PTPN7: variants seen among roughly 807,000 people sequenced by gnomAD.
The protein encoded by PTPN7 is protein tyrosine phosphatase non-receptor type 7.
A neutral mutation model predicts 50.3 loss-of-function variants in PTPN7; 33 were observed. The observed-to-expected ratio is 0.66, with a 90% CI of 0.50 to 0.88. PTPN7 has a LOEUF of 0.88. Among genes scored for constraint, PTPN7 ranks in the 40% least tolerant of loss-of-function variants. PTPN7 has a pLI of 0.00. For missense variants in PTPN7, 412 were observed against 475.4 expected (o/e 0.87, Z 1.24); for synonymous variants, 185 against 186.6 (o/e 0.99, Z 0.07).
chr1:202,154,426 C>T, intron 5 of PTPN7, 103 bp from the exon 6 acceptor site: 1 of 1,382,306 alleles, frequency 7.2e-7, no homozygotes, highest in Non-Finnish European at 9.8e-7. Flanking sequence ...AAGCTGTGAA[C>T]CACACGTGTA....
chr1:202,147,491 A>G lies in PTPN7; in HGVS notation c.*1115T>C, dbSNP rs574229926. On this transcript the variant is annotated 3_prime_UTR_variant, in exon 10 of 10. Coordinates refer to ENST00000691036, the MANE Select transcript of PTPN7 (RefSeq NM_002832.4). ...GATGCGGCATCTTACCTTCATCCCC[A>G]TCTCAGAATGGGCAGCCAGTCTCAG... The G allele has an allele frequency of 6.6e-6, 1 of 152,264 alleles. No individual in the cohort carries two copies. The highest frequency in any genetic ancestry group is 2.1e-4 in the South Asian group (1 of 4,818). The allele number at this position is 152,264 out of a possible 1,614,324, so 9.4% of individuals were successfully genotyped here. A position where few individuals can be genotyped will look rare whatever the true frequency, so the allele number is the denominator to read the frequency against.
Position 202,153,809 on chromosome 1 carries a change from T to TTC in PTPN7, c.631_632dup (p.Glu212LysfsTer15), listed in dbSNP as rs1462907868. 1 of 1,614,072 alleles carries TTC rather than the reference T, an allele frequency of 6.2e-7. No individual in the cohort carries two copies. The highest frequency in any genetic ancestry group is 1.1e-5 in the South Asian group (1 of 91,084). ...TCTGGAAGGGTCCATAGGTTTCCTC[T>TTC]TCTGTGGGCCAGTAGTGGACACATT... On this transcript the variant is annotated frameshift_variant, in exon 7 of 10. Transcript: ENST00000691036. LOFTEE classifies it high-confidence loss of function.
rs1337157296 is a variant in PTPN7 at position 202,150,312 on chromosome 1, T to C, written c.988A>G (p.Arg330Gly). The C allele has an allele frequency of 6.2e-7, 1 of 1,609,036 alleles. No homozygotes were observed. The highest frequency in any genetic ancestry group is 8.5e-7 in the Non-Finnish European group (1 of 1,177,170). The change falls in exon 9 of 10, where the codon AGA becomes GGA. Residue 330 changes from arginine (R) to glycine (G), a missense_variant and splice_region_variant. Transcript: ENST00000691036. ...CCTTGTTTACACCCACAGACCCACC[T>C]GTCTAGCCGCAGTTGGCACACAATA... ...LGIVCQLRLD[R>G]GGMIQTAEQY...
intron 6 of PTPN7, 56 bp from the exon 7 acceptor site, chr1:202,153,891 C>T (rs1656338206): frequency 4.2e-6 from 6 of 1,415,920 alleles, no homozygotes; most frequent in Non-Finnish European, 5.0e-6. Flanking sequence ...GGTGACAGGG[C>T]AGCAGAGAGG....
intron 5 of PTPN7, among the ~76,000 whole-genome samples, chr1:202,155,191 A>G (rs1031857692): frequency 1.3e-5 from 2 of 152,134 alleles, no homozygotes; most frequent in African/African-American, 4.8e-5. Context: ...GGCATCACCT[A>G]TGCAGTTCTC....
intron 8 of PTPN7, 27 bp downstream of exon 8, chr1:202,152,515 G>A (rs10920337): frequency 0.29 from 461,721 of 1,605,142 alleles, 73,256 homozygotes; most frequent in African/African-American, 0.64. Context: ...ACAGTCCACA[G>A]GCTGCAGTGA....
chr1:202,150,419 C>A lies in PTPN7; in HGVS notation c.881G>T (p.Gly294Val). 6.2e-7 allele frequency: 1 copy of A among 1,607,084 alleles called. No individual in the cohort carries two copies. Among genetic ancestry groups the A allele is most frequent in the Non-Finnish European group, 8.5e-7 (1 of 1,176,446 alleles). ...GATGAAGCAGCCCGTCCGGCCAATC[C>A]CTGCACTGGAGATAGCCAGGGAGGG... The part of the protein sequence containing the change: ...PGPIVVHCSA[G>V]IGRTGCFIAT... Residue 294 changes from glycine to valine, a missense_variant, in exon 9 of 10, where the codon GGG (glycine) becomes GTG (valine). Physicochemically the swap from Gly to Val is moderately radical, Grantham distance 109. Transcript: ENST00000691036.
At chr1:202,158,322 T>G (rs939217481) in intron 2 of PTPN7, 21 bp from the exon 3 acceptor site, 1 of 1,609,532 alleles carries the variant, frequency 6.2e-7, no homozygotes, top group Non-Finnish European at 8.5e-7. Flanking sequence ...AGCCCACCAC[T>G]GCCTAGTGAG....
chr1:202,158,022 G>A, intron 3 of PTPN7, 96 bp downstream of exon 3: 1 of 1,434,156 alleles, frequency 7.0e-7, no homozygotes, highest in Non-Finnish European at 9.4e-7. Flanking sequence ...GGGCCCAAAG[G>A]GGAGACTTGC....
chr1:202,150,160 T>C (rs932549887), intron 9 of PTPN7, 151 bp downstream of exon 9: 6 of 636,228 alleles, frequency 9.4e-6, no homozygotes, highest in African/African-American at 3.6e-5. Context: ...TTCCTGGTTG[T>C]TAGTTGTAAA....
At position 202,157,753 on chromosome 1, in the gene PTPN7, T is replaced by G. The variant is rs778916501; in HGVS notation, c.377A>C (p.Lys126Thr). The G allele has an allele frequency of 3.8e-5, 61 of 1,613,712 alleles. No individual in the cohort carries two copies. Among genetic ancestry groups the G allele is most frequent in the Non-Finnish European group, 4.7e-5 (55 of 1,179,712 alleles). ...GCAGTTCTTACTTGGCAAGATGGTC[T>G]TGTATCGGTCCTTGGAGGCGTGGCC... ...IPGHASKDRY[K>T]TILPNPQSRV... The change falls in exon 4 of 10, where the codon AAG becomes ACG. Residue 126 changes from lysine (K) to threonine (T), a missense_variant. Physicochemically the swap from Lys to Thr is moderately conservative, Grantham distance 78 (BLOSUM62 -1). Coordinates refer to ENST00000691036, the MANE Select transcript of PTPN7 (RefSeq NM_002832.4).
chr1:202,156,716 A>T (rs150038192), intron 4 of PTPN7, among the ~76,000 whole-genome samples: 125 of 152,306 alleles, frequency 8.2e-4, no homozygotes, highest in African/African-American at 2.8e-3. Flanking sequence ...TAGCACCTTG[A>T]TCCGCCCATG....
chr1:202,159,903 G>T lies in PTPN7; in HGVS notation c.-52-449C>A. 9.8e-7 allele frequency: 1 copy of T among 1,015,398 alleles called. No homozygotes were observed. Among genetic ancestry groups the T allele is most frequent in the Non-Finnish European group, 1.2e-6 (1 of 849,214 alleles). 62.9% of individuals were successfully genotyped at this position (1,015,398 alleles called of 1,614,324 possible). A position where few individuals can be genotyped will look rare whatever the true frequency, so the allele number is the denominator to read the frequency against. On this transcript the variant is annotated intron_variant, in intron 1 of 9. Coordinates refer to ENST00000691036, the MANE Select transcript of PTPN7 (RefSeq NM_002832.4). The surrounding 1 kb of genome is among the most constrained non-coding windows in gnomAD (Gnocchi z 4.6). ...AATGGAGGCCTCCAGCAGTGTTGGA[G>T]CTGGTTGGGCAGCCAGGCAGGCGGG...
chr1:202,155,534 C>G lies in PTPN7; in HGVS notation c.467G>C (p.Arg156Pro). The G allele has an allele frequency of 6.5e-7, 1 of 1,546,150 alleles. No individual in the cohort carries two copies. The highest frequency in any genetic ancestry group is 8.9e-7 in the Non-Finnish European group (1 of 1,118,376). Residue 156 changes from arginine (R) to proline (P), a missense_variant and splice_region_variant, in exon 5 of 10, where the codon CGA becomes CCA. By Grantham distance (103) the Arg-to-Pro change is moderately radical. Coordinates refer to ENST00000691036, the MANE Select transcript of PTPN7 (RefSeq NM_002832.4). ...DGDYINANYI[R>P]GYDGKEKVYI... ...CACCACTGCAGCCAGGCCACTCACTCGGATGTAGTTGGCATTGATGTAATC... is the reference window on the plus strand; with the variant it reads ...CACCACTGCAGCCAGGCCACTCACTGGGATGTAGTTGGCATTGATGTAATC...
Position 202,158,111 on chromosome 1 carries a change from T to G in PTPN7, c.306+7A>C. The G allele has an allele frequency of 6.3e-7, 1 of 1,582,706 alleles. No individual in the cohort carries two copies. ...AGAGCGATTCAGAGGGGACCCCAAT[T>G]TCTTACCAAGAATTCTTCTTCCAGT... On this transcript the variant is annotated splice_region_variant and intron_variant, in intron 3 of 9. Coordinates refer to ENST00000691036, the MANE Select transcript of PTPN7 (RefSeq NM_002832.4).
intron 5 of PTPN7, 71 bp from the exon 6 acceptor site, chr1:202,154,394 C>T (rs1656410745): frequency 6.5e-7 from 1 of 1,539,218 alleles, no homozygotes; most frequent in Non-Finnish European, 8.8e-7. Context: ...TCCTAGATGC[C>T]TCAGGTGCTG....
At chr1:202,158,384 G>T (rs1201939674) in intron 2 of PTPN7, 83 bp from the exon 3 acceptor site, 12 of 1,427,214 alleles carry the variant, frequency 8.4e-6, no homozygotes, top group Non-Finnish European at 1.9e-6. Flanking sequence ...TTTAGAGATA[G>T]GGTCTCTCTC....
At chr1:202,156,927 A>G (rs892650208) in intron 4 of PTPN7, among the ~76,000 whole-genome samples, 3 of 152,132 alleles carry the variant, frequency 2.0e-5, no homozygotes, top group African/African-American at 7.2e-5. Flanking sequence ...CTCCTAGCAC[A>G]GTGTCCTCCC....
At chr1:202,155,633 G>A in intron 4 of PTPN7, 24 bp from the exon 5 acceptor site, 1 of 1,526,108 alleles carries the variant, frequency 6.6e-7, no homozygotes. Flanking sequence ...ATCAGCAGAG[G>A]TCAGAGGTCA....
Sources: gnomAD v4.1 joint callset for allele counts (sites outside exome capture counted in the v4.1 genomes callset) on GRCh38, gnomAD v4.1.1 for gene constraint, Gnocchi (gnomAD v3.1) non-coding constraint, MANE v1.5 for transcripts, NCBI Gene and HGNC (gene_info 2026-07-23, HGNC 2026-07-21) for gene names.